The following DOCK3 variants were observed in gnomAD, a reference collection of about 807,000 sequenced individuals.
DOCK3 encodes dedicator of cytokinesis protein 3.
In DOCK3, 60 loss-of-function variants were observed where a neutral mutation model predicts 265.6. The ratio of observed to expected loss-of-function variants is 0.23; its 90% CI spans 0.18 to 0.28. DOCK3 has a LOEUF of 0.28. DOCK3 is among the 10% of genes least tolerant of loss of function. The pLI is 1.00. For synonymous variants in DOCK3, 881 were observed against 938.0 expected (o/e 0.94, Z 1.11); for missense variants, 1,981 against 2,594.3 (o/e 0.76, Z 5.14).
intron 5 of DOCK3, among the ~76,000 whole-genome samples, chr3:50,989,780 A>G (rs2078040794): frequency 6.6e-6 from 1 of 152,362 alleles, no homozygotes. Flanking sequence ...CCAGTTCTCC[A>G]ACAAGAGTTT....
chr3:50,863,367 G>C, intron 3 of DOCK3: 1 of 515,620 alleles, frequency 1.9e-6, no homozygotes. Flanking sequence ...CCGGTTCTTT[G>C]TGCTTGACAA....
intron 2 of DOCK3, among the ~76,000 whole-genome samples, chr3:50,791,812 T>C (rs1232961239): frequency 1.3e-5 from 2 of 152,192 alleles, no homozygotes; most frequent in Non-Finnish European, 2.9e-5. Flanking sequence ...ACTAGTACCA[T>C]GTTGTTTTAG....
intron 5 of DOCK3, among the ~76,000 whole-genome samples, chr3:51,004,508 G>A (rs2078600039): frequency 6.6e-6 from 1 of 152,032 alleles, no homozygotes; most frequent in South Asian, 2.1e-4. Flanking sequence ...TAATGGATTA[G>A]GTTTAGGTTT....
intron 5 of DOCK3, among the ~76,000 whole-genome samples, chr3:50,977,433 G>A (rs1575660745): frequency 6.6e-6 from 1 of 152,146 alleles, no homozygotes; most frequent in Middle Eastern, 3.4e-3. Flanking sequence ...GAAATTCTGG[G>A]TTGAAAATTC....
chr3:51,100,681 A>G (rs2083047368), intron 9 of DOCK3, among the ~76,000 whole-genome samples: 1 of 152,264 alleles, frequency 6.6e-6, no homozygotes, highest in African/African-American at 2.4e-5. Context: ...TTCAGAATAT[A>G]GCAGAATTCA....
intron 32 of DOCK3, among the ~76,000 whole-genome samples, chr3:51,323,707 C>T (rs933613308): frequency 7.9e-5 from 12 of 152,140 alleles, no homozygotes; most frequent in African/African-American, 2.7e-4. Flanking sequence ...AAATTTATAG[C>T]ACTAAATGCC....
intron 22 of DOCK3, among the ~76,000 whole-genome samples, chr3:51,257,315 A>G (rs560756709): frequency 6.6e-6 from 1 of 152,262 alleles, no homozygotes; most frequent in South Asian, 2.1e-4. Context: ...TCCTGGCCTG[A>G]TACTTCTCAT....
chr3:51,311,472 A>G (rs1383401578), intron 28 of DOCK3, among the ~76,000 whole-genome samples: 1 of 152,220 alleles, frequency 6.6e-6, no homozygotes, highest in Non-Finnish European at 1.5e-5. Flanking sequence ...CTCAAGCTAG[A>G]CCAAAAGAGC....
chr3:51,130,416 G>A (rs1369337973), intron 9 of DOCK3, among the ~76,000 whole-genome samples: 1 of 152,218 alleles, frequency 6.6e-6, no homozygotes, highest in Non-Finnish European at 1.5e-5. Context: ...TGGAATGGAG[G>A]AAAAGGCATT....
chr3:51,176,175 G>A (rs1224314514), intron 12 of DOCK3, among the ~76,000 whole-genome samples: 1 of 152,216 alleles, frequency 6.6e-6, no homozygotes, highest in East Asian at 1.9e-4. Flanking sequence ...ATGCAGGAGT[G>A]AGAAATTAAC....
intron 3 of DOCK3, among the ~76,000 whole-genome samples, chr3:50,886,265 T>C (rs1054389627): frequency 6.6e-6 from 1 of 150,766 alleles, no homozygotes; most frequent in Non-Finnish European, 1.5e-5. Context: ...GAAAAGTATG[T>C]TTATTTCATC....
At chr3:51,306,016 T>A (rs536112729) in intron 27 of DOCK3, among the ~76,000 whole-genome samples, 1 of 150,694 alleles carries the variant, frequency 6.6e-6, no homozygotes, top group Non-Finnish European at 1.5e-5. Flanking sequence ...TTTTTCTTTT[T>A]TTTTTTCTTT....
intron 7 of DOCK3, among the ~76,000 whole-genome samples, chr3:51,076,982 G>A (rs983100396): frequency 1.3e-5 from 2 of 152,098 alleles, no homozygotes; most frequent in African/African-American, 4.8e-5. Context: ...AGAGTCTATC[G>A]AGTAGTCTGA....
At chr3:51,088,749 TCA>T (rs1436913773) in intron 7 of DOCK3, among the ~76,000 whole-genome samples, 8 of 152,198 alleles carry the variant, frequency 5.3e-5, no homozygotes, top group South Asian at 2.1e-4. Context: ...GTCTGAAATT[TCA>T]CAGTCTTTGA....
chr3:50,705,540 C>T (rs2036351186), intron 1 of DOCK3, among the ~76,000 whole-genome samples: 1 of 152,134 alleles, frequency 6.6e-6, no homozygotes. Context: ...CTCAGCCTCC[C>T]AAGTAGCTGA....
At chr3:50,946,286 T>A (rs1444415706) in intron 5 of DOCK3, among the ~76,000 whole-genome samples, 1 of 152,132 alleles carries the variant, frequency 6.6e-6, no homozygotes, top group Non-Finnish European at 1.5e-5. Context: ...TAGTTCCCTA[T>A]CTTACCCCAC....
Position 50,787,949 on chromosome 3 carries a change from ACTTCTTCCT to A in DOCK3, c.121+9202_121+9210del, listed in dbSNP as rs1403555990. 2.7e-5 allele frequency: 26 copies of A among 978,458 alleles called. No individual in the cohort carries two copies. In the East Asian group the frequency reaches 5.6e-4, roughly 21 times the overall value. The allele number at this position is 978,458 out of a possible 1,614,324, so 60.6% of individuals were successfully genotyped here. A position where few individuals can be genotyped will look rare whatever the true frequency, so the allele number is the denominator to read the frequency against. ...TATGATCTGCTCCCTTTTGTAAAAG[ACTTCTTCCT>A]CTTCTTCCTCCTCCTCTTCTGTGTC... is the stretch of plus-strand genomic sequence containing the variant. On this transcript the variant is annotated intron_variant, in intron 2 of 52. Transcript: ENST00000266037.
At chr3:50,901,012 G>T in intron 4 of DOCK3, 3 of 374,248 alleles carry the variant, frequency 8.0e-6, no homozygotes, top group South Asian at 6.1e-5. Flanking sequence ...TGTGCTGGGA[G>T]ATTCGCTCCT....
At chr3:51,093,144 A>G (rs2082703816) in intron 9 of DOCK3, among the ~76,000 whole-genome samples, 1 of 152,036 alleles carries the variant, frequency 6.6e-6, no homozygotes, top group Non-Finnish European at 1.5e-5. Flanking sequence ...TTTGCTTAGG[A>G]TTGTCTTGGC....
Sources: gnomAD v4.1 joint callset for allele counts (sites outside exome capture counted in the v4.1 genomes callset) on GRCh38, gnomAD v4.1.1 for gene constraint, MANE v1.5 for transcripts, NCBI Gene and HGNC (gene_info 2026-07-23, HGNC 2026-07-21) for gene names.